The following TRIM44 variants were observed in gnomAD, a reference collection of about 807,000 sequenced individuals.
TRIM44 encodes the protein tripartite motif-containing protein 44.
A neutral mutation model predicts 37.4 loss-of-function variants in TRIM44; 13 were observed. The observed-to-expected ratio is 0.35, with a 90% CI of 0.23 to 0.55. TRIM44 has a LOEUF of 0.55. TRIM44 is among the 20% of genes least tolerant of loss of function. The pLI is 0.89. For synonymous variants in TRIM44, 175 were observed against 157.2 expected, an observed-to-expected ratio of 1.11 and a Z score of -0.85; for missense variants, 426 against 437.2, an observed-to-expected ratio of 0.97 and a Z score of 0.23.
At chr11:35,673,873 C>T (rs1408508938) in intron 1 of TRIM44, among the ~76,000 whole-genome samples, 2 of 152,050 alleles carry the variant, frequency 1.3e-5, no homozygotes, top group African/African-American at 4.8e-5. Flanking sequence ...TGTTCATTGA[C>T]ATACCCACCT....
chr11:35,788,890 G>A (rs1239468010), intron 4 of TRIM44, among the ~76,000 whole-genome samples: 1 of 152,164 alleles, frequency 6.6e-6, no homozygotes, highest in Non-Finnish European at 1.5e-5. Flanking sequence ...AAACTAAGTT[G>A]TTCCACAGGC....
intron 4 of TRIM44, among the ~76,000 whole-genome samples, chr11:35,773,861 C>T (rs1259800653): frequency 6.6e-6 from 1 of 152,196 alleles, no homozygotes; most frequent in Non-Finnish European, 1.5e-5. Flanking sequence ...TTTCTTTATT[C>T]AGTCTATCAT....
intron 4 of TRIM44, among the ~76,000 whole-genome samples, chr11:35,755,442 C>T (rs948920420): frequency 2.6e-5 from 4 of 152,080 alleles, no homozygotes; most frequent in Non-Finnish European, 5.9e-5. Flanking sequence ...AATTATCTCC[C>T]ATTCTGTAGG....
intron 1 of TRIM44, among the ~76,000 whole-genome samples, chr11:35,675,051 A>G (rs1410030345): frequency 6.6e-6 from 1 of 152,174 alleles, no homozygotes; most frequent in Non-Finnish European, 1.5e-5. Context: ...ACTGTGTACT[A>G]TGTCATGTTA....
chr11:35,672,529 C>T (rs1176872267), intron 1 of TRIM44, among the ~76,000 whole-genome samples: 1 of 152,138 alleles, frequency 6.6e-6, no homozygotes, highest in Non-Finnish European at 1.5e-5. Context: ...AAAGACAGAT[C>T]AAAAGGGTTT....
intron 2 of TRIM44, among the ~76,000 whole-genome samples, chr11:35,713,727 G>A (rs1425952318): frequency 6.6e-6 from 1 of 152,160 alleles, no homozygotes; most frequent in Admixed American, 6.5e-5. Flanking sequence ...TGGTTCTTGG[G>A]TAAGCAGGTT....
intron 3 of TRIM44, among the ~76,000 whole-genome samples, chr11:35,729,873 A>C (rs1852231554): frequency 6.6e-6 from 1 of 152,224 alleles, no homozygotes; most frequent in Non-Finnish European, 1.5e-5. Context: ...CAATTCTGTA[A>C]GCCCGAGGCA....
At chr11:35,702,296 C>T (rs535062595) in intron 2 of TRIM44, among the ~76,000 whole-genome samples, 3 of 152,306 alleles carry the variant, frequency 2.0e-5, no homozygotes, top group South Asian at 2.1e-4. Context: ...GCCCACGCTC[C>T]GGGAGGGCAG....
At chr11:35,784,659 A>G (rs72932143) in intron 4 of TRIM44, among the ~76,000 whole-genome samples, 2 of 152,334 alleles carry the variant, frequency 1.3e-5, no homozygotes, top group Non-Finnish European at 2.9e-5. Context: ...ACATGCATAT[A>G]TAGATTAAGG....
At chr11:35,732,978 G>T (rs1486476394) in intron 3 of TRIM44, among the ~76,000 whole-genome samples, 1 of 152,146 alleles carries the variant, frequency 6.6e-6, no homozygotes, top group Non-Finnish European at 1.5e-5. Flanking sequence ...CATCTTTTCT[G>T]TCCTTCCCCG....
chr11:35,759,263 C>T (rs900858646), intron 4 of TRIM44, among the ~76,000 whole-genome samples: 1 of 152,226 alleles, frequency 6.6e-6, no homozygotes, highest in South Asian at 2.1e-4. Context: ...TCTTCCATCA[C>T]TGATACCCTT....
At chr11:35,787,969 T>C (rs957721641) in intron 4 of TRIM44, among the ~76,000 whole-genome samples, 8 of 152,340 alleles carry the variant, frequency 5.3e-5, no homozygotes, top group African/African-American at 1.9e-4. Flanking sequence ...CCCCCCTTCC[T>C]CACCAGCTTT....
Position 35,808,540 on chromosome 11 carries a change from A to G in TRIM44, c.*2155A>G, listed in dbSNP as rs1853485423. On this transcript the variant is annotated 3_prime_UTR_variant, in exon 5 of 5. Coordinates refer to ENST00000299413, the MANE Select transcript of TRIM44 (RefSeq NM_017583.6). ...ATCTGATCATATGTTACTACTTTGA[A>G]TCAGTATTTGGGAAATTCAAGCATT... The G allele has an allele frequency of 6.6e-6, 1 of 152,190 alleles. No homozygotes were observed. Among genetic ancestry groups the G allele is most frequent in the Admixed American group, 6.6e-5 (1 of 15,264 alleles). The allele number at this position is 152,190 out of a possible 1,614,324, so 9.4% of individuals were successfully genotyped here.
chr11:35,797,490 A>G (rs1467024416), intron 4 of TRIM44, among the ~76,000 whole-genome samples: 5 of 152,344 alleles, frequency 3.3e-5, no homozygotes, highest in African/African-American at 9.6e-5. Flanking sequence ...GAGTAGCCAT[A>G]CCATAGAAAA....
intron 4 of TRIM44, among the ~76,000 whole-genome samples, chr11:35,745,543 T>C (rs562734904): frequency 6.6e-6 from 1 of 152,318 alleles, no homozygotes; most frequent in African/African-American, 2.4e-5. Context: ...CAGCTTTAAG[T>C]GAAATGATGT....
chr11:35,723,596 A>G (rs1298385032), intron 2 of TRIM44, among the ~76,000 whole-genome samples: 2 of 152,210 alleles, frequency 1.3e-5, no homozygotes, highest in African/African-American at 4.8e-5. Context: ...TGAAAACCCT[A>G]TGTAATTAAA....
intron 3 of TRIM44, among the ~76,000 whole-genome samples, chr11:35,728,304 G>GAGAC (rs1401882614): frequency 6.6e-6 from 1 of 152,148 alleles, no homozygotes; most frequent in Non-Finnish European, 1.5e-5. Flanking sequence ...CCCAGCCTGG[G>GAGAC]AGACAGAGTG....
In TRIM44 at chr11:35,758,961, C is replaced by T. The variant is rs184275148; in HGVS notation, c.1007+23516C>T. The stretch of plus-strand genomic sequence containing the variant: ...TTTCCTTCATTTCAACTTTGGTGAA[C>T]CTGACAGTTATGTGTCTTGGAGTTG... On this transcript the variant is annotated intron_variant, in intron 4 of 4. Transcript: ENST00000299413. Among the ~76,000 whole-genome samples the T allele has an allele frequency of 4.3e-3, 648 of 151,910 alleles. 18 individuals carry two copies. The highest frequency in any genetic ancestry group is 0.037 in the Admixed American group (560 of 15,250).
intron 2 of TRIM44, among the ~76,000 whole-genome samples, chr11:35,709,478 A>G (rs1378868639): frequency 6.6e-6 from 1 of 152,218 alleles, no homozygotes; most frequent in Non-Finnish European, 1.5e-5. Flanking sequence ...CCCCTAAAAT[A>G]TTACCATTTG....
Sources: gnomAD v4.1 joint callset for allele counts (sites outside exome capture counted in the v4.1 genomes callset) on GRCh38, gnomAD v4.1.1 for gene constraint, MANE v1.5 for transcripts, NCBI Gene and HGNC (gene_info 2026-07-23, HGNC 2026-07-21) for gene names.